The following DPYD variants were observed in gnomAD, a reference collection of about 807,000 sequenced individuals.
DPYD encodes dihydropyrimidine dehydrogenase [NADP(+)].
A neutral mutation model predicts 116.2 loss-of-function variants in DPYD; 109 were observed. The observed-to-expected ratio is 0.94, with a 90% CI of 0.80 to 1.10. DPYD has a LOEUF of 1.10. Ranked by LOEUF, DPYD falls within the 50% of genes least tolerant of loss-of-function variation. The pLI is 0.00. For synonymous variants in DPYD, 440 were observed against 432.0 expected (o/e 1.02, Z -0.23); for missense variants, 1,302 against 1,254.5 (o/e 1.04, Z -0.57).
rs1328659582 is a variant in DPYD at position 97,342,070 on chromosome 1, GTTC to G, written c.2058+31488_2058+31490del. On this transcript the variant is annotated intron_variant, in intron 16 of 22. Transcript: ENST00000370192. ...AAAAGAAGTATTAAAAATTGATTATGTTCTTCTTGAGTCAATGAATTTATTTCA... is the reference window on the plus strand; with the variant it reads ...AAAAGAAGTATTAAAAATTGATTATGTTCTTGAGTCAATGAATTTATTTCA... Among the ~76,000 whole-genome samples, 5 of 152,118 alleles carry G rather than the reference GTTC, an allele frequency of 3.3e-5. No individual in the cohort carries two copies. In the East Asian group the frequency reaches 7.7e-4, roughly 23 times the overall value.
chr1:97,479,040 T>A (rs534410537), intron 13 of DPYD, among the ~76,000 whole-genome samples: 1 of 152,132 alleles, frequency 6.6e-6, no homozygotes, highest in Non-Finnish European at 1.5e-5. Flanking sequence ...CTTAAGAGAG[T>A]GTTGTGCTGA....
intron 18 of DPYD, among the ~76,000 whole-genome samples, chr1:97,289,468 A>G (rs952833484): frequency 2.0e-5 from 3 of 152,030 alleles, no homozygotes; most frequent in African/African-American, 7.2e-5. Context: ...ATCCAGCAGC[A>G]CATCAAAAAG....
intron 4 of DPYD, among the ~76,000 whole-genome samples, chr1:97,723,669 T>C (rs984831224): frequency 6.6e-6 from 1 of 151,620 alleles, no homozygotes; most frequent in African/African-American, 2.4e-5. Flanking sequence ...TTCCCCCAAA[T>C]TGGATCAGAT....
chr1:97,157,229 C>T (rs57893648), intron 20 of DPYD, among the ~76,000 whole-genome samples: 31 of 151,258 alleles, frequency 2.0e-4, no homozygotes, highest in Non-Finnish European at 2.5e-4. Context: ...AACTAACCTG[C>T]ACATTGTGCA....
intron 20 of DPYD, among the ~76,000 whole-genome samples, chr1:97,173,237 C>CATATGT (rs1431855735): frequency 1.8e-5 from 2 of 109,958 alleles, no homozygotes; most frequent in East Asian, 3.4e-4. Flanking sequence ...TATATGCGCA[C>CATATGT]ACATATATGT....
At chr1:97,613,883 A>C (rs1212345368) in intron 8 of DPYD, among the ~76,000 whole-genome samples, 1 of 152,042 alleles carries the variant, frequency 6.6e-6, no homozygotes, top group Non-Finnish European at 1.5e-5. Context: ...TTGTGCATAC[A>C]TACAATATTA....
At chr1:97,861,900 C>T (rs1458666563) in intron 2 of DPYD, among the ~76,000 whole-genome samples, 2 of 151,712 alleles carry the variant, frequency 1.3e-5, no homozygotes, top group African/African-American at 4.8e-5. Context: ...CCTCTATGAC[C>T]CCCTACACTC....
rs144872438 is a variant in DPYD, at chr1:97,378,791, C to T, written c.1974+3602G>A. ...AACCATGCAAGGGTCTCGACCCCCA[C>T]GGAACTTGCTTTCTAACAAGCAGGA... On this transcript the variant is annotated intron_variant, in intron 15 of 22. Coordinates refer to ENST00000370192, the MANE Select transcript of DPYD (RefSeq NM_000110.4). Among the ~76,000 whole-genome samples, 202 of 152,266 alleles carry T rather than the reference C, an allele frequency of 1.3e-3. 1 individual carries two copies. The highest frequency in any genetic ancestry group is 4.5e-3 in the African/African-American group (189 of 41,542).
At chr1:97,880,174 A>C (rs933700610) in intron 2 of DPYD, among the ~76,000 whole-genome samples, 11 of 151,916 alleles carry the variant, frequency 7.2e-5, no homozygotes, top group African/African-American at 2.4e-4. Context: ...GACTATTTTA[A>C]AAGAAAGAAA....
At chr1:97,337,425 C>T (rs952014718) in intron 16 of DPYD, among the ~76,000 whole-genome samples, 14 of 152,100 alleles carry the variant, frequency 9.2e-5, no homozygotes, top group African/African-American at 2.4e-4. Flanking sequence ...CCTGTCCAAA[C>T]GAAAGCTACT....
chr1:97,898,562 T>C (rs1488759817), intron 1 of DPYD, among the ~76,000 whole-genome samples: 1 of 151,994 alleles, frequency 6.6e-6, no homozygotes, highest in East Asian at 1.9e-4. Flanking sequence ...AATTGTTTCA[T>C]ATATTTTGTT....
intron 16 of DPYD, among the ~76,000 whole-genome samples, chr1:97,358,043 C>T (rs1271419091): frequency 2.6e-5 from 4 of 152,178 alleles, no homozygotes; most frequent in African/African-American, 7.2e-5. Context: ...TTTCCCTTTC[C>T]TAGCCAAGGG....
chr1:97,470,490 T>A (rs1262495067), intron 13 of DPYD, among the ~76,000 whole-genome samples: 2 of 152,190 alleles, frequency 1.3e-5, no homozygotes, highest in Non-Finnish European at 2.9e-5. Flanking sequence ...ATTTTTACCC[T>A]CTCTATGGAA....
At chr1:97,092,056 C>T (rs1375420955) in intron 21 of DPYD, among the ~76,000 whole-genome samples, 3 of 152,144 alleles carry the variant, frequency 2.0e-5, no homozygotes, top group Admixed American at 6.6e-5. Context: ...TGCCCATATG[C>T]CATTAAACAG....
chr1:97,788,261 T>G (rs1036616461), intron 3 of DPYD, among the ~76,000 whole-genome samples: 2 of 152,134 alleles, frequency 1.3e-5, no homozygotes, highest in African/African-American at 4.8e-5. Context: ...ATGGCAGAAG[T>G]GATGCTGCAC....
At chr1:97,330,901 G>C (rs1355427485) in intron 16 of DPYD, among the ~76,000 whole-genome samples, 1 of 151,850 alleles carries the variant, frequency 6.6e-6, no homozygotes, top group Non-Finnish European at 1.5e-5. Context: ...TCATAATATT[G>C]GTACATGAAA....
intron 2 of DPYD, among the ~76,000 whole-genome samples, chr1:97,844,241 C>T (rs898121524): frequency 3.9e-5 from 6 of 152,196 alleles, no homozygotes; most frequent in Non-Finnish European, 7.3e-5. Flanking sequence ...TTTTGGTTTT[C>T]ATCCCTGTTT....
chr1:97,228,954 T>C (rs1661384905), intron 19 of DPYD, among the ~76,000 whole-genome samples: 1 of 151,900 alleles, frequency 6.6e-6, no homozygotes, highest in Admixed American at 6.6e-5. Flanking sequence ...TCCCAGCACT[T>C]TGGGAGGCCG....
At chr1:97,725,252 A>T (rs567075505) in intron 4 of DPYD, among the ~76,000 whole-genome samples, 1 of 151,706 alleles carries the variant, frequency 6.6e-6, no homozygotes, top group Non-Finnish European at 1.5e-5. Context: ...AAAAACTGTA[A>T]AAAGTTCAAA....
Sources: gnomAD v4.1 joint callset for allele counts (sites outside exome capture counted in the v4.1 genomes callset) on GRCh38, gnomAD v4.1.1 for gene constraint, MANE v1.5 for transcripts, NCBI Gene and HGNC (gene_info 2026-07-23, HGNC 2026-07-21) for gene names.